Variants in USP25 observed in about 807,000 individuals in gnomAD.
USP25 encodes ubiquitin carboxyl-terminal hydrolase 25.
Under a neutral mutation model 158.5 loss-of-function variants are expected in USP25, and 85 were observed. That is an observed-to-expected ratio of 0.54 (90% CI 0.45 to 0.64). The LOEUF is 0.64. Among genes scored for constraint, USP25 ranks in the 30% least tolerant of loss-of-function variants. The probability of loss-of-function intolerance (pLI) is 0.00; values close to 1 mark genes in which losing one functional copy is unlikely to be tolerated. For synonymous variants in USP25, 464 were observed against 460.4 expected, an observed-to-expected ratio of 1.01 and a Z score of -0.10; for missense variants, 1,242 against 1,327.3, an observed-to-expected ratio of 0.94 and a Z score of 1.00.
chr21:15,752,100 AT>A (rs1420546843), intron 1 of USP25, among the ~76,000 whole-genome samples: 1 of 151,778 alleles, frequency 6.6e-6, no homozygotes, highest in East Asian at 1.9e-4. Context: ...CGCCTGGCTA[AT>A]TTTGTATTTT....
At chr21:15,849,688 T>G in intron 19 of USP25, 89 bp from the exon 20 acceptor site, 1 of 997,936 alleles carries the variant, frequency 1.0e-6, no homozygotes, top group Non-Finnish European at 1.4e-6. Context: ...GATTTATAAA[T>G]ATGGAAAACA....
intron 10 of USP25, among the ~76,000 whole-genome samples, chr21:15,823,221 TTACA>T (rs1198539714): frequency 6.6e-6 from 1 of 152,126 alleles, no homozygotes; most frequent in Admixed American, 6.5e-5. Context: ...CTTTGTTGAT[TTACA>T]TACAATCTTT....
At chr21:15,730,641 C>T (rs1431164457) in intron 1 of USP25, among the ~76,000 whole-genome samples, 1 of 152,226 alleles carries the variant, frequency 6.6e-6, no homozygotes, top group African/African-American at 2.4e-5. Context: ...TTGCGGGCTT[C>T]AATCCACTTC....
In USP25 at chr21:15,875,733, G is replaced by A. The variant is rs980127337; in HGVS notation, c.3009+1207G>A. ...AGATAAATTCACTGTGGCTATCCAG[G>A]TTATGAGGAAGTGGGGTAAGGTGGA... On this transcript the variant is annotated intron_variant, in intron 24 of 25. Transcript: ENST00000400183. The surrounding 1 kb of genome is among the most constrained non-coding windows in gnomAD (Gnocchi z 4.7). Among the ~76,000 whole-genome samples, 11 of 152,312 alleles carry A rather than the reference G, an allele frequency of 7.2e-5. No individual in the cohort carries two copies. Among genetic ancestry groups the A allele is most frequent in the Admixed American group, 7.2e-4 (11 of 15,294 alleles).
At chr21:15,821,378 A>G (rs1231231036) in intron 10 of USP25, among the ~76,000 whole-genome samples, 1 of 151,978 alleles carries the variant, frequency 6.6e-6, no homozygotes, top group Non-Finnish European at 1.5e-5. Flanking sequence ...AACTATTCTG[A>G]AGAATGTCTT....
rs1483366278 is a variant in USP25, at chr21:15,826,367, TAAA to T, written c.1466+5_1466+7del. On this transcript the variant is annotated splice_donor_5th_base_variant and intron_variant, in intron 13 of 25. Coordinates refer to ENST00000400183, the MANE Select transcript of USP25 (RefSeq NM_001283041.3). This position sits in a 1 kb window ranked among gnomAD's most constrained non-coding sequence, Gnocchi z 4.8. ...CATACCATCACAGACATTACCAAGG[TAAA>T]AAGTAATCCTGATGCAAGAGACAGT... is the stretch of plus-strand genomic sequence containing the variant. 5.0e-6 allele frequency: 8 copies of T among 1,613,476 alleles called. No individual in the cohort carries two copies. Among genetic ancestry groups the T allele is most frequent in the Non-Finnish European group, 5.9e-6 (7 of 1,179,778 alleles).
intron 4 of USP25, among the ~76,000 whole-genome samples, chr21:15,790,673 A>G (rs895364895): frequency 9.5e-5 from 14 of 146,988 alleles, no homozygotes; most frequent in African/African-American, 3.5e-4. Context: ...TTTTTGGCTG[A>G]AGCCAAGTAG....
At chr21:15,735,670 A>G (rs2031422374) in intron 1 of USP25, among the ~76,000 whole-genome samples, 1 of 152,118 alleles carries the variant, frequency 6.6e-6, no homozygotes. Flanking sequence ...GGAATTGTTT[A>G]GTGTAGGATT....
chr21:15,756,360 T>G (rs1406790624), intron 1 of USP25, among the ~76,000 whole-genome samples: 1 of 152,122 alleles, frequency 6.6e-6, no homozygotes, highest in East Asian at 1.9e-4. Context: ...TTCAATTGCT[T>G]TTGTTCAGAG....
rs2040160652 is a variant in USP25, at chr21:15,877,847, G to T, written c.3061G>T (p.Val1021Leu). ...CTTCGAATCTGGAGAGGATCGAGAAGTAAACAATGGTTTGATTATCATGAA... is the reference window on the plus strand; with the variant it reads ...CTTCGAATCTGGAGAGGATCGAGAATTAAACAATGGTTTGATTATCATGAA... Reference protein sequence around the residue: ...ELFESGEDREVNNGLIIMNEF... With the variant: ...ELFESGEDRELNNGLIIMNEF... The change falls in exon 25 of 26, where the codon GTA becomes TTA. Residue 1021 changes from valine to leucine, a missense_variant. Physicochemically the swap from Val to Leu is conservative, Grantham distance 32. Coordinates refer to ENST00000400183, the MANE Select transcript of USP25 (RefSeq NM_001283041.3). The T allele has an allele frequency of 6.2e-7, 1 of 1,613,024 alleles. No individual in the cohort carries two copies. Among genetic ancestry groups the T allele is most frequent in the African/African-American group, 1.3e-5 (1 of 74,824 alleles).
At chr21:15,859,608 C>T (rs541915598) in intron 20 of USP25, among the ~76,000 whole-genome samples, 9 of 152,196 alleles carry the variant, frequency 5.9e-5, no homozygotes, top group Non-Finnish European at 1.0e-4. Context: ...TGATATCTTT[C>T]GTGTTACCAG....
intron 18 of USP25, 89 bp downstream of exon 18, chr21:15,842,629 G>T: frequency 6.7e-7 from 1 of 1,495,176 alleles, no homozygotes. Flanking sequence ...AGGGAGTCAG[G>T]AGAGACGGGG....
chr21:15,772,905 C>A (rs569933788), intron 3 of USP25, among the ~76,000 whole-genome samples: 2 of 152,220 alleles, frequency 1.3e-5, no homozygotes, highest in Non-Finnish European at 2.9e-5. Context: ...TTTCAGGATT[C>A]AGCTATCTTT....
chr21:15,836,387 A>G (rs965485760), intron 17 of USP25, among the ~76,000 whole-genome samples: 1 of 152,240 alleles, frequency 6.6e-6, no homozygotes, highest in Non-Finnish European at 1.5e-5. Flanking sequence ...CTGAGATAAT[A>G]AATGATGGGA....
At chr21:15,746,554 C>T (rs2032576858) in intron 1 of USP25, among the ~76,000 whole-genome samples, 1 of 151,948 alleles carries the variant, frequency 6.6e-6, no homozygotes, top group African/African-American at 2.4e-5. Context: ...GCCACCACAC[C>T]CGGCTAATTT....
In USP25 at chr21:15,826,423, CTG is replaced by C; in HGVS notation, c.1466+59_1466+60del. The C allele has an allele frequency of 1.3e-6, 2 of 1,575,188 alleles. No individual in the cohort carries two copies. The highest frequency in any genetic ancestry group is 1.7e-6 in the Non-Finnish European group (2 of 1,151,642). ...TTACCTTTATTACACAATAATGTAACTGCTGCCTTTAAAGACAGTTTCTATAA... is the reference window on the plus strand; with the variant it reads ...TTACCTTTATTACACAATAATGTAACCTGCCTTTAAAGACAGTTTCTATAA... On this transcript the variant is annotated intron_variant, in intron 13 of 25. Coordinates refer to ENST00000400183, the MANE Select transcript of USP25 (RefSeq NM_001283041.3). The surrounding 1 kb of genome is among the most constrained non-coding windows in gnomAD (Gnocchi z 4.8).
At chr21:15,858,471 A>G (rs2039264980) in intron 20 of USP25, among the ~76,000 whole-genome samples, 1 of 150,610 alleles carries the variant, frequency 6.6e-6, no homozygotes, top group African/African-American at 2.4e-5. Flanking sequence ...TTTTTTTTTT[A>G]ACCAGGTTAT....
intron 17 of USP25, among the ~76,000 whole-genome samples, chr21:15,841,367 G>A (rs575875956): frequency 2.3e-4 from 35 of 151,972 alleles, no homozygotes; most frequent in Admixed American, 6.6e-4. Flanking sequence ...TCTCTAATTC[G>A]TTCTTCACAA....
At chr21:15,788,150 G>A (rs1224504732) in intron 4 of USP25, among the ~76,000 whole-genome samples, 1 of 151,606 alleles carries the variant, frequency 6.6e-6, no homozygotes, top group African/African-American at 2.4e-5. Context: ...TTTGTTATAG[G>A]CTATCTCTGA....
Sources: gnomAD v4.1 joint callset for allele counts (sites outside exome capture counted in the v4.1 genomes callset) on GRCh38, gnomAD v4.1.1 for gene constraint, Gnocchi (gnomAD v3.1) non-coding constraint, MANE v1.5 for transcripts, NCBI Gene and HGNC (gene_info 2026-07-23, HGNC 2026-07-21) for gene names.